Variants in MEF2C observed in about 807,000 individuals in gnomAD.
The protein encoded by MEF2C is myocyte-specific enhancer factor 2C.
A neutral mutation model predicts 50.5 loss-of-function variants in MEF2C; 6 were observed. The ratio of observed to expected loss-of-function variants is 0.12; its 90% CI spans 0.07 to 0.23. The LOEUF (loss-of-function observed/expected upper bound fraction) is 0.23. Ranked by LOEUF, MEF2C falls within the 10% of genes least tolerant of loss-of-function variation. The probability of loss-of-function intolerance (pLI) is 1.00; values close to 1 mark genes in which losing one functional copy is unlikely to be tolerated. For missense variants in MEF2C, 276 were observed against 605.0 expected (o/e 0.46, Z 5.70); for synonymous variants, 183 against 228.0 (o/e 0.80, Z 1.78).
intron 5 of MEF2C, chr5:88,750,190 A>G: frequency 8.2e-6 from 5 of 606,568 alleles, no homozygotes; most frequent in Non-Finnish European, 1.0e-5. Context: ...GTTTATATAT[A>G]TACATATATA....
chr5:88,815,975 G>A (rs959472384), intron 2 of MEF2C, among the ~76,000 whole-genome samples: 1 of 151,864 alleles, frequency 6.6e-6, no homozygotes, highest in Admixed American at 6.6e-5. Context: ...AGAGGTGAAA[G>A]GGGCCATTCA....
chr5:88,856,630 G>T (rs1430696977), intron 1 of MEF2C, among the ~76,000 whole-genome samples: 3 of 152,238 alleles, frequency 2.0e-5, no homozygotes, highest in African/African-American at 7.2e-5. Context: ...GGGACTTGGT[G>T]CCCTGTGTCC....
chr5:88,783,531 G>A (rs1182988073), intron 3 of MEF2C, among the ~76,000 whole-genome samples: 1 of 152,156 alleles, frequency 6.6e-6, no homozygotes, highest in East Asian at 1.9e-4. Context: ...TACTCGGGAG[G>A]CTGAGGAAGA....
intron 3 of MEF2C, among the ~76,000 whole-genome samples, chr5:88,777,899 CTTTTTTTTT>C (rs57841792): frequency 1.3e-5 from 1 of 77,320 alleles, no homozygotes; most frequent in Non-Finnish European, 2.3e-5. Flanking sequence ...TTTTTCTTTT[CTTTTTTTTT>C]TTTTTTTTTT....
chr5:88,826,959 TAC>T (rs1811148004), intron 1 of MEF2C: 1 of 151,526 alleles, frequency 6.6e-6, no homozygotes, highest in African/African-American at 2.4e-5. Context: ...TCTATAGAAT[TAC>T]AGTCTTCTGC....
At chr5:88,731,950 A>G (rs779238957) in intron 6 of MEF2C, 49 bp from the exon 7 acceptor site, 3 of 1,528,794 alleles carry the variant, frequency 2.0e-6, no homozygotes, top group Admixed American at 2.0e-5. Context: ...TAGGTCAAAT[A>G]CGTTTCCGAA....
intron 5 of MEF2C, chr5:88,749,439 G>C: frequency 1.0e-6 from 1 of 984,680 alleles, no homozygotes; most frequent in Non-Finnish European, 1.2e-6. Context: ...GTGAAAGAAA[G>C]AGTAAGGTCT....
chr5:88,728,401 G>T, intron 10 of MEF2C, 92 bp downstream of exon 10: 1 of 1,022,784 alleles, frequency 9.8e-7, no homozygotes, highest in Non-Finnish European at 1.3e-6. Context: ...TTTTATACCC[G>T]TTAATGGGAT....
intron 1 of MEF2C, among the ~76,000 whole-genome samples, chr5:88,853,643 T>C (rs4145737): frequency 0.016 from 2,499 of 152,340 alleles, 28 homozygotes; most frequent in Admixed American, 0.032. Flanking sequence ...ATTCCCATCA[T>C]CATCTGATAT....
chr5:88,884,161 C>T (rs1833737476), upstream of MEF2C, among the ~76,000 whole-genome samples: 1 of 152,356 alleles, frequency 6.6e-6, no homozygotes, highest in East Asian at 1.9e-4. Context: ...GCTTGCTCTC[C>T]GGGGACGCTG....
intron 6 of MEF2C, chr5:88,742,503 G>C (rs1489099887): frequency 1.0e-6 from 1 of 977,752 alleles, no homozygotes. Context: ...CTTTACTGTA[G>C]ATATAGAAGG....
intron 8 of MEF2C, among the ~76,000 whole-genome samples, chr5:88,729,926 CCAG>C (rs1366278572): frequency 6.6e-5 from 10 of 151,678 alleles, no homozygotes; most frequent in Non-Finnish European, 1.2e-4. Context: ...ACTTTAATTC[CCAG>C]AAGAAGAAAT....
intron 1 of MEF2C, among the ~76,000 whole-genome samples, chr5:88,896,883 G>C (rs1378922949): frequency 6.6e-6 from 1 of 150,970 alleles, no homozygotes. Flanking sequence ...CATCTTTTCT[G>C]CTTCCTCTTT....
At chr5:88,785,388 A>AT (rs766575105) in intron 3 of MEF2C, 2 of 151,992 alleles carry the variant, frequency 1.3e-5, no homozygotes, top group Non-Finnish European at 2.9e-5. Flanking sequence ...CAGAAATGCT[A>AT]TTTTTCAAAG....
intron 5 of MEF2C, chr5:88,751,049 T>C (rs1159352182): frequency 6.2e-6 from 6 of 970,114 alleles, no homozygotes; most frequent in Non-Finnish European, 7.4e-6. Context: ...TTATATTCAA[T>C]ACGCATTGAC....
At chr5:88,769,233 TTCA>T (rs1483903999) in intron 3 of MEF2C, among the ~76,000 whole-genome samples, 1 of 152,224 alleles carries the variant, frequency 6.6e-6, no homozygotes, top group Non-Finnish European at 1.5e-5. Context: ...TTGGGCAAAG[TTCA>T]TCATTTTCCC....
intron 3 of MEF2C, among the ~76,000 whole-genome samples, chr5:88,792,029 T>C (rs1794002596): frequency 6.6e-6 from 1 of 152,096 alleles, no homozygotes; most frequent in South Asian, 2.1e-4. Flanking sequence ...GTAAGATCTA[T>C]ATCAATTATG....
chr5:88,751,778 G>A (rs954018304), intron 5 of MEF2C, 79 bp downstream of exon 5: 33 of 1,429,982 alleles, frequency 2.3e-5, no homozygotes, highest in African/African-American at 2.8e-5. Flanking sequence ...AAAACATCTC[G>A]TAGATAAAGC....
intron 3 of MEF2C, among the ~76,000 whole-genome samples, chr5:88,763,950 C>T (rs1778920473): frequency 1.3e-5 from 2 of 152,144 alleles, no homozygotes; most frequent in South Asian, 4.1e-4. Flanking sequence ...TGGCACCCTG[C>T]CAATAATTTT....
Sources: gnomAD v4.1 joint callset for allele counts (sites outside exome capture counted in the v4.1 genomes callset) on GRCh38, gnomAD v4.1.1 for gene constraint, MANE v1.5 for transcripts, NCBI Gene and HGNC (gene_info 2026-07-23, HGNC 2026-07-21) for gene names.